ZNRF1: variants seen among roughly 807,000 people sequenced by gnomAD.
The protein encoded by ZNRF1 is E3 ubiquitin-protein ligase ZNRF1.
In ZNRF1, 3 loss-of-function variants were observed where a neutral mutation model predicts 18.4. The ratio of observed to expected loss-of-function variants is 0.16; its 90% confidence interval spans 0.07 to 0.42. The LOEUF is 0.42. Ranked by LOEUF, ZNRF1 falls within the 10% of genes least tolerant of loss-of-function variation. The pLI, the probability that ZNRF1 is intolerant of heterozygous loss-of-function variation, is 0.99. For missense variants in ZNRF1, 310 were observed against 329.8 expected (o/e 0.94, Z 0.47); for synonymous variants, 157 against 144.2 (o/e 1.09, Z -0.64).
chr16:75,039,537 A>G (rs1156281276), intron 1 of ZNRF1, among the ~76,000 whole-genome samples: 1 of 152,252 alleles, frequency 6.6e-6, no homozygotes, highest in Non-Finnish European at 1.5e-5. Context: ...GAGATCAATC[A>G]TAAGATTCTC....
chr16:75,065,376 G>C (rs2035790151), intron 1 of ZNRF1, among the ~76,000 whole-genome samples: 2 of 152,156 alleles, frequency 1.3e-5, no homozygotes, highest in African/African-American at 4.8e-5. Context: ...CCAGGGTTTT[G>C]TTGTTTTGTT....
intron 1 of ZNRF1, among the ~76,000 whole-genome samples, chr16:75,058,994 G>T (rs1336769974): frequency 6.6e-6 from 1 of 152,068 alleles, no homozygotes; most frequent in Non-Finnish European, 1.5e-5. Flanking sequence ...CTAGATACTG[G>T]CCTTGATCCC....
At chr16:75,091,447 A>G (rs755784784) in intron 1 of ZNRF1, among the ~76,000 whole-genome samples, 3 of 152,112 alleles carry the variant, frequency 2.0e-5, no homozygotes, top group Non-Finnish European at 4.4e-5. Context: ...GACTAACACA[A>G]GAGTCCAGTC....
chr16:75,023,403 G>A (rs1480112273), intron 1 of ZNRF1, among the ~76,000 whole-genome samples: 3 of 152,170 alleles, frequency 2.0e-5, no homozygotes, highest in Non-Finnish European at 4.4e-5. Context: ...GTCACACCAG[G>A]CCGGACGCAG....
intron 1 of ZNRF1, among the ~76,000 whole-genome samples, chr16:75,020,038 G>A (rs2035124134): frequency 6.6e-6 from 1 of 151,952 alleles, no homozygotes; most frequent in African/African-American, 2.4e-5. Flanking sequence ...CAATTCCAGA[G>A]AGAACTATGT....
chr16:75,017,279 G>C (rs147565555), intron 1 of ZNRF1, among the ~76,000 whole-genome samples: 4 of 152,308 alleles, frequency 2.6e-5, no homozygotes, highest in African/African-American at 7.2e-5. Flanking sequence ...GAATTAAATT[G>C]AGTTTATCAA....
intron 1 of ZNRF1, among the ~76,000 whole-genome samples, chr16:75,071,319 C>T (rs750959965): frequency 1.3e-5 from 2 of 152,114 alleles, no homozygotes; most frequent in Non-Finnish European, 2.9e-5. Context: ...TGGCTGGTCT[C>T]GAACTCCTGA....
intron 1 of ZNRF1, among the ~76,000 whole-genome samples, chr16:75,087,248 C>A (rs1318972919): frequency 6.6e-6 from 1 of 152,176 alleles, no homozygotes; most frequent in Non-Finnish European, 1.5e-5. Context: ...CACATGACCA[C>A]ATCAGCATTC....
At chr16:75,063,822 T>C (rs2035770203) in intron 1 of ZNRF1, among the ~76,000 whole-genome samples, 1 of 152,110 alleles carries the variant, frequency 6.6e-6, no homozygotes, top group Admixed American at 6.6e-5. Context: ...TCGCTGCCTT[T>C]GTTCAGCAAT....
At chr16:75,026,748 C>G (rs1002397470) in intron 1 of ZNRF1, among the ~76,000 whole-genome samples, 2 of 151,864 alleles carry the variant, frequency 1.3e-5, no homozygotes, top group Non-Finnish European at 2.9e-5. Context: ...CCAGCCTGGC[C>G]AACGTGGTGA....
intron 1 of ZNRF1, among the ~76,000 whole-genome samples, chr16:75,073,910 A>C (rs76344942): frequency 6.6e-6 from 1 of 152,062 alleles, no homozygotes; most frequent in African/African-American, 2.4e-5. Flanking sequence ...CTCAGAAAAC[A>C]TGATTATGTC....
At chr16:75,077,450 C>T (rs1318495780) in intron 1 of ZNRF1, among the ~76,000 whole-genome samples, 5 of 152,164 alleles carry the variant, frequency 3.3e-5, no homozygotes, top group Non-Finnish European at 5.9e-5. Context: ...GAGAATTGCT[C>T]GAACCTGGGA....
intron 1 of ZNRF1, among the ~76,000 whole-genome samples, chr16:75,091,819 G>A (rs1038587136): frequency 2.6e-5 from 4 of 151,960 alleles, no homozygotes; most frequent in Non-Finnish European, 5.9e-5. Flanking sequence ...TTACAGGCAT[G>A]CACGACCACA....
At chr16:75,008,068 G>A (rs2034946072) in intron 1 of ZNRF1, among the ~76,000 whole-genome samples, 1 of 151,776 alleles carries the variant, frequency 6.6e-6, no homozygotes. Context: ...CGGTAGAGAA[G>A]GGGTCTCACC....
intron 1 of ZNRF1, among the ~76,000 whole-genome samples, chr16:75,077,786 C>A (rs747213037): frequency 5.9e-5 from 9 of 152,148 alleles, no homozygotes; most frequent in Non-Finnish European, 7.3e-5. Flanking sequence ...TCCTGGAGGC[C>A]ACGCTTTCCT....
rs1597913441 is a variant in ZNRF1, at chr16:75,105,211, G to T, written c.626+322G>T. On this transcript the variant is annotated intron_variant, in intron 3 of 4. Coordinates refer to ENST00000335325, the MANE Select transcript of ZNRF1 (RefSeq NM_032268.5). ...CACTGGGAAGGTTGGTTCTCCGTCT[G>T]TCTCCCTGCCTCTTCTTCCTCTACG... The T allele has an allele frequency of 1.4e-5, 4 of 287,334 alleles. No individual in the cohort carries two copies. In the East Asian group the frequency reaches 2.7e-4, roughly 20 times the overall value. 17.8% of individuals were successfully genotyped at this position (287,334 alleles called of 1,614,324 possible). A position where few individuals can be genotyped will look rare whatever the true frequency, so the allele number is the denominator to read the frequency against.
chr16:75,004,216 T>A (rs2034889642), intron 1 of ZNRF1, among the ~76,000 whole-genome samples: 1 of 152,188 alleles, frequency 6.6e-6, no homozygotes, highest in Non-Finnish European at 1.5e-5. Flanking sequence ...TCCTAAAGTC[T>A]GGCCTGCATT....
chr16:75,095,780 A>T, intron 2 of ZNRF1: 1 of 1,475,078 alleles, frequency 6.8e-7, no homozygotes, highest in South Asian at 1.3e-5. Flanking sequence ...CTGCCAGAGA[A>T]CTGCCTGGGA....
chr16:75,074,250 C>T (rs894928911), intron 1 of ZNRF1, among the ~76,000 whole-genome samples: 4 of 152,148 alleles, frequency 2.6e-5, no homozygotes, highest in African/African-American at 9.7e-5. Flanking sequence ...GTCAGGCCGG[C>T]ATAAGTGGCT....
Sources: gnomAD v4.1 joint callset for allele counts (sites outside exome capture counted in the v4.1 genomes callset) on GRCh38, gnomAD v4.1.1 for gene constraint, MANE v1.5 for transcripts, NCBI Gene and HGNC (gene_info 2026-07-23, HGNC 2026-07-21) for gene names.